Variants in DTNA observed in about 807,000 individuals in gnomAD.
DTNA encodes the protein dystrophin-related protein 3.
A neutral mutation model predicts 100.7 loss-of-function variants in DTNA; 43 were observed. The observed-to-expected ratio is 0.43, with a 90% CI of 0.33 to 0.55. The LOEUF is 0.55. Among genes scored for constraint, DTNA ranks in the 20% least tolerant of loss-of-function variants. The pLI, the probability that DTNA is intolerant of heterozygous loss-of-function variation, is 0.04. For synonymous variants in DTNA, 349 were observed against 347.9 expected (o/e 1.00, Z -0.04); for missense variants, 798 against 953.9 (o/e 0.84, Z 2.15).
chr18:34,660,511 T>C (rs2075033168), intron 1 of DTNA, among the ~76,000 whole-genome samples: 1 of 152,092 alleles, frequency 6.6e-6, no homozygotes, highest in Admixed American at 6.6e-5. Context: ...AAGCTATTGC[T>C]TGTGGGGAAA....
At chr18:34,655,826 C>T (rs1258395660) in intron 1 of DTNA, among the ~76,000 whole-genome samples, 1 of 152,184 alleles carries the variant, frequency 6.6e-6, no homozygotes, top group East Asian at 1.9e-4. Flanking sequence ...TGCCAGGAGA[C>T]TCATAACGTT....
At chr18:34,627,443 T>C (rs368794740) in intron 1 of DTNA, among the ~76,000 whole-genome samples, 4 of 152,140 alleles carry the variant, frequency 2.6e-5, no homozygotes, top group African/African-American at 9.7e-5. Context: ...TCCTTCCCAG[T>C]CCACTCTTCT....
At chr18:34,575,416 C>T (rs2048020598) in intron 1 of DTNA, among the ~76,000 whole-genome samples, 1 of 152,158 alleles carries the variant, frequency 6.6e-6, no homozygotes, top group African/African-American at 2.4e-5. Flanking sequence ...ACCTAGTGAC[C>T]ACTGTCCATT....
intron 22 of DTNA, among the ~76,000 whole-genome samples, chr18:34,886,653 T>C (rs371502573): frequency 1.1e-4 from 16 of 152,346 alleles, no homozygotes; most frequent in African/African-American, 3.8e-4. Flanking sequence ...TCCTAGGCCA[T>C]TTTTTAAATC....
intron 3 of DTNA, 108 bp downstream of exon 3, chr18:34,766,149 A>G: frequency 8.0e-7 from 1 of 1,253,972 alleles, no homozygotes; most frequent in South Asian, 1.3e-5. Flanking sequence ...TAATATTGTT[A>G]TATATGTTTA....
intron 1 of DTNA, among the ~76,000 whole-genome samples, chr18:34,596,276 G>A (rs35808861): frequency 0.066 from 9,988 of 152,064 alleles, 389 homozygotes; most frequent in African/African-American, 0.077. Flanking sequence ...GTGACATGAC[G>A]CGATTGATCT....
intron 1 of DTNA, among the ~76,000 whole-genome samples, chr18:34,654,473 G>A (rs942680286): frequency 3.9e-5 from 6 of 152,308 alleles, no homozygotes; most frequent in Non-Finnish European, 8.8e-5. Context: ...AGTCACAGAT[G>A]TAAGTCCATG....
In DTNA at chr18:34,877,912, C is replaced by A. The variant is rs1018738328; in HGVS notation, c.1993+104C>A. On this transcript the variant is annotated intron_variant, in intron 19 of 22. Coordinates refer to ENST00000444659, the MANE Select transcript of DTNA (RefSeq NM_001386795.1). ...GCTTATTGTCTAATATCAAAAGATT[C>A]TTTAAAGCTCTATGTGATATTTTGT... 28 of 993,766 alleles carry A rather than the reference C, an allele frequency of 2.8e-5. 1 individual carries two copies. The South Asian group carries it at 3.0e-4, about 11-fold the overall frequency. The allele number at this position is 993,766 out of a possible 1,614,324, so 61.6% of individuals were successfully genotyped here.
At chr18:34,846,902 G>A (rs1033090621) in intron 13 of DTNA, among the ~76,000 whole-genome samples, 2 of 152,078 alleles carry the variant, frequency 1.3e-5, no homozygotes, top group Non-Finnish European at 2.9e-5. Context: ...CTTAATATTG[G>A]CATAAGAGGG....
chr18:34,590,623 G>A (rs544651180), intron 1 of DTNA, among the ~76,000 whole-genome samples: 135 of 152,330 alleles, frequency 8.9e-4, no homozygotes, highest in African/African-American at 2.9e-3. Context: ...GGTGCTAATA[G>A]AGTCTATTTC....
chr18:34,683,353 G>C (rs535388217), intron 1 of DTNA: 5 of 152,016 alleles, frequency 3.3e-5, no homozygotes, highest in Non-Finnish European at 5.9e-5. Context: ...GAGATTCCTT[G>C]GTATTAAAGT....
At chr18:34,742,427 GTT>G (rs1225306042) in intron 1 of DTNA, among the ~76,000 whole-genome samples, 1 of 152,004 alleles carries the variant, frequency 6.6e-6, no homozygotes, top group East Asian at 1.9e-4. Context: ...GCATTTCTCG[GTT>G]TGTGGGTCCT....
At chr18:34,611,173 C>CA (rs964103599) in intron 1 of DTNA, among the ~76,000 whole-genome samples, 23 of 151,518 alleles carry the variant, frequency 1.5e-4, no homozygotes, top group Admixed American at 3.3e-4. Flanking sequence ...TAAACTCCCA[C>CA]AAAAAAAAAT....
intron 1 of DTNA, among the ~76,000 whole-genome samples, chr18:34,538,303 T>A (rs1469003802): frequency 6.6e-6 from 1 of 152,064 alleles, no homozygotes; most frequent in East Asian, 1.9e-4. Flanking sequence ...TGGAAACCAC[T>A]GTTTTATATA....
chr18:34,803,543 T>C (rs2095280699), intron 4 of DTNA, among the ~76,000 whole-genome samples: 1 of 152,216 alleles, frequency 6.6e-6, no homozygotes, highest in Non-Finnish European at 1.5e-5. Context: ...TGAAAGGAAC[T>C]GTATTGCTCT....
At chr18:34,665,598 A>T (rs2075810637) in intron 1 of DTNA, among the ~76,000 whole-genome samples, 1 of 151,894 alleles carries the variant, frequency 6.6e-6, no homozygotes, top group Non-Finnish European at 1.5e-5. Flanking sequence ...AACAGGCCCC[A>T]GTGTGTGATG....
At chr18:34,516,568 A>G (rs1463528000) in intron 1 of DTNA, among the ~76,000 whole-genome samples, 2 of 152,244 alleles carry the variant, frequency 1.3e-5, no homozygotes, top group East Asian at 3.9e-4. Context: ...ACCATATAAG[A>G]CAGACACTCC....
intron 3 of DTNA, among the ~76,000 whole-genome samples, chr18:34,788,406 G>A (rs73412623): frequency 0.023 from 3,483 of 152,108 alleles, 142 homozygotes; most frequent in African/African-American, 0.079. Context: ...TTTATGTGAA[G>A]TATCTCATTT....
intron 1 of DTNA, among the ~76,000 whole-genome samples, chr18:34,680,253 C>T (rs915168558): frequency 1.3e-5 from 2 of 152,092 alleles, no homozygotes; most frequent in African/African-American, 4.8e-5. Context: ...TATTTTACAT[C>T]ATCATATGTC....
Sources: gnomAD v4.1 joint callset for allele counts (sites outside exome capture counted in the v4.1 genomes callset) on GRCh38, gnomAD v4.1.1 for gene constraint, MANE v1.5 for transcripts, NCBI Gene and HGNC (gene_info 2026-07-23, HGNC 2026-07-21) for gene names.